CFAP90: variants seen among roughly 807,000 people sequenced by gnomAD.
The protein encoded by CFAP90 is cilia and flagella associated protein 90.
the CFAP90 span, among the ~76,000 whole-genome samples, chr5:7,841,794 G>C: frequency 6.6e-6 from 1 of 152,112 alleles, no homozygotes; most frequent in Non-Finnish European, 1.5e-5. Context: ...AGGGACACAT[G>C]GGGGGTGGGC....
At chr5:7,850,785 T>TGCCCAGCCGCCCAGCC in the CFAP90 span, 34 of 1,066,200 alleles carry the variant, frequency 3.2e-5, 1 homozygote, top group African/African-American at 3.7e-4. Context: ...CGCCCGCCCC[T>TGCCCAGCCGCCCAGCC]GCCCAGCCGC....
chr5:7,847,915 C>T, the CFAP90 span, among the ~76,000 whole-genome samples: 1 of 152,164 alleles, frequency 6.6e-6, no homozygotes, highest in Non-Finnish European at 1.5e-5. Context: ...TTTACAGGAT[C>T]CCTCAAATGG....
At chr5:7,842,130 C>T in the CFAP90 span, among the ~76,000 whole-genome samples, 2 of 151,932 alleles carry the variant, frequency 1.3e-5, no homozygotes, top group Admixed American at 6.6e-5. Context: ...AAGTAGCCAT[C>T]GTGCCCCATG....
chr5:7,833,494 GATAC>G, the CFAP90 span, among the ~76,000 whole-genome samples: 11 of 96,266 alleles, frequency 1.1e-4, no homozygotes, highest in South Asian at 3.4e-4. Context: ...ATATATAATA[GATAC>G]ATACACACAT....
chr5:7,842,574 C>T, the CFAP90 span, among the ~76,000 whole-genome samples: 1 of 151,928 alleles, frequency 6.6e-6, no homozygotes, highest in Non-Finnish European at 1.5e-5. Context: ...TCAGAGCATC[C>T]AATAAATGAC....
At chr5:7,849,473 C>T in the CFAP90 span, among the ~76,000 whole-genome samples, 17 of 152,220 alleles carry the variant, frequency 1.1e-4, no homozygotes, top group Admixed American at 7.9e-4. Context: ...ATTAGAAAGA[C>T]CTGTCCCAGT....
At chr5:7,849,794 C>A in the CFAP90 span, among the ~76,000 whole-genome samples, 1 of 147,678 alleles carries the variant, frequency 6.8e-6, no homozygotes, top group African/African-American at 2.5e-5. Context: ...GCCAGCTATT[C>A]CTTCTGGTCT....
the CFAP90 span, among the ~76,000 whole-genome samples, chr5:7,841,571 A>G: frequency 6.6e-6 from 1 of 152,232 alleles, no homozygotes; most frequent in East Asian, 1.9e-4. Flanking sequence ...ATATGGAGTC[A>G]ACCTAAATGC....
At chr5:7,836,245 A>G in the CFAP90 span, among the ~76,000 whole-genome samples, 1 of 152,162 alleles carries the variant, frequency 6.6e-6, no homozygotes, top group Non-Finnish European at 1.5e-5. Context: ...CTTTTCCTTC[A>G]TTTCTACTTG....
chr5:7,831,770 G>C, the CFAP90 span: 2 of 1,380,922 alleles, frequency 1.4e-6, no homozygotes, highest in Admixed American at 3.8e-5. Context: ...GGGAAAGGAG[G>C]CTCCAGATGC....
At chr5:7,847,865 A>G in the CFAP90 span, among the ~76,000 whole-genome samples, 10 of 152,316 alleles carry the variant, frequency 6.6e-5, no homozygotes, top group African/African-American at 2.2e-4. Flanking sequence ...GGCCCACAGG[A>G]GATGCAGATT....
the CFAP90 span, among the ~76,000 whole-genome samples, chr5:7,842,332 G>GA: frequency 6.7e-6 from 1 of 150,372 alleles, no homozygotes; most frequent in East Asian, 2.0e-4. Flanking sequence ...AAAAACAACA[G>GA]AAAAAAATTA....
the CFAP90 span, among the ~76,000 whole-genome samples, chr5:7,850,568 C>G: frequency 1.3e-5 from 2 of 149,382 alleles, no homozygotes. Flanking sequence ...AACCCCGCCC[C>G]CAGGCTGCCT....
the CFAP90 span, among the ~76,000 whole-genome samples, chr5:7,844,033 T>C: frequency 6.6e-6 from 1 of 152,066 alleles, no homozygotes; most frequent in East Asian, 1.9e-4. Flanking sequence ...ATGTGAAAGG[T>C]CTCCACTAGA....
chr5:7,831,729 G>T, the CFAP90 span: 1 of 952,138 alleles, frequency 1.1e-6, no homozygotes. Context: ...TGCAACACAG[G>T]CATAGCCAAG....
At chr5:7,850,822 AGCCGCCC>A in the CFAP90 span, 19 of 999,676 alleles carry the variant, frequency 1.9e-5, no homozygotes, top group Non-Finnish European at 2.4e-5. Context: ...CCAGCCGCCC[AGCCGCCC>A]AGCCGCCCAG....
chr5:7,832,454 C>A, the CFAP90 span, among the ~76,000 whole-genome samples: 1 of 152,044 alleles, frequency 6.6e-6, no homozygotes, highest in Non-Finnish European at 1.5e-5. Flanking sequence ...ACATGGCTTC[C>A]TCTTCCCTCA....
the CFAP90 span, among the ~76,000 whole-genome samples, chr5:7,841,416 G>A: frequency 2.0e-5 from 3 of 152,164 alleles, no homozygotes; most frequent in Admixed American, 1.3e-4. Context: ...AGACAGTGTG[G>A]CGACTCCTCA....
chr5:7,838,651 A>G, the CFAP90 span, among the ~76,000 whole-genome samples: 2 of 152,222 alleles, frequency 1.3e-5, no homozygotes, highest in Admixed American at 1.3e-4. Flanking sequence ...AAGGGATTCA[A>G]TAGTAGCCAG....
Sources: gnomAD v4.1 joint callset for allele counts (sites outside exome capture counted in the v4.1 genomes callset) on GRCh38, gnomAD v4.1.1 for gene constraint, MANE v1.5 for transcripts, NCBI Gene and HGNC (gene_info 2026-07-23, HGNC 2026-07-21) for gene names.